The following ERBB4 variants were observed in gnomAD, a reference collection of about 807,000 sequenced individuals.
The protein encoded by ERBB4 is erb-b2 receptor tyrosine kinase 4, also known as receptor tyrosine-protein kinase erbB-4.
In ERBB4, 42 loss-of-function variants were observed where a neutral mutation model predicts 158.0. The ratio of observed to expected loss-of-function variants is 0.27; its 90% CI spans 0.21 to 0.34. ERBB4 has a LOEUF of 0.34. ERBB4 is among the 10% of genes least tolerant of loss of function. The probability of loss-of-function intolerance (pLI) is 1.00; values close to 1 mark genes in which losing one functional copy is unlikely to be tolerated. For missense variants in ERBB4, 1,333 were observed against 1,624.1 expected (o/e 0.82, Z 3.08); for synonymous variants, 583 against 558.7 (o/e 1.04, Z -0.61).
intron 19 of ERBB4, among the ~76,000 whole-genome samples, chr2:211,585,077 G>A (rs1455244917): frequency 2.0e-5 from 3 of 152,164 alleles, no homozygotes; most frequent in African/African-American, 7.2e-5. Context: ...GGCTGGCCGG[G>A]CGCAGTGGCT....
chr2:212,378,699 GA>G (rs1320125951), intron 1 of ERBB4, among the ~76,000 whole-genome samples: 1 of 151,528 alleles, frequency 6.6e-6, no homozygotes, highest in Non-Finnish European at 1.5e-5. Flanking sequence ...ATATTTCTCT[GA>G]AGTTTGGTCA....
At chr2:211,853,634 G>C (rs1318067722) in intron 3 of ERBB4, among the ~76,000 whole-genome samples, 1 of 152,016 alleles carries the variant, frequency 6.6e-6, no homozygotes, top group Non-Finnish European at 1.5e-5. Flanking sequence ...ATTAGTTATT[G>C]ACTGCTAAGC....
intron 19 of ERBB4, among the ~76,000 whole-genome samples, chr2:211,591,065 G>C (rs540669721): frequency 6.6e-6 from 1 of 152,266 alleles, no homozygotes; most frequent in East Asian, 1.9e-4. Context: ...CACATTGTTA[G>C]CACCAAAATG....
intron 1 of ERBB4, among the ~76,000 whole-genome samples, chr2:212,237,073 A>G (rs2083907748): frequency 6.6e-6 from 1 of 152,078 alleles, no homozygotes; most frequent in Admixed American, 6.6e-5. Context: ...TGTTGATTTT[A>G]GAAATCTTTC....
intron 4 of ERBB4, among the ~76,000 whole-genome samples, chr2:211,765,450 T>C (rs2075528167): frequency 6.6e-6 from 1 of 152,216 alleles, no homozygotes; most frequent in Non-Finnish European, 1.5e-5. Context: ...ACTCTTAATG[T>C]AATTTACTAT....
chr2:211,674,604 C>T (rs1342852302), intron 13 of ERBB4, among the ~76,000 whole-genome samples: 2 of 152,026 alleles, frequency 1.3e-5, no homozygotes, highest in Non-Finnish European at 2.9e-5. Flanking sequence ...TTTAAAATCA[C>T]AATTACATAA....
chr2:211,428,146 A>C (rs906178782), intron 22 of ERBB4, among the ~76,000 whole-genome samples: 2 of 152,014 alleles, frequency 1.3e-5, no homozygotes, highest in Non-Finnish European at 2.9e-5. Flanking sequence ...TAGGTACAGC[A>C]AACCACCATG....
chr2:211,455,599 C>T (rs1327045783), intron 20 of ERBB4, among the ~76,000 whole-genome samples: 20 of 152,142 alleles, frequency 1.3e-4, no homozygotes. Context: ...AAAATGATTA[C>T]TTAAGAATCA....
intron 1 of ERBB4, among the ~76,000 whole-genome samples, chr2:212,338,039 CTT>C (rs1271165487): frequency 6.6e-6 from 1 of 152,082 alleles, no homozygotes; most frequent in Non-Finnish European, 1.5e-5. Context: ...CCAGGGCAGA[CTT>C]TATGTCATAC....
intron 1 of ERBB4, among the ~76,000 whole-genome samples, chr2:212,204,798 A>G (rs1344210016): frequency 6.7e-6 from 1 of 148,752 alleles, no homozygotes; most frequent in Admixed American, 6.8e-5. Context: ...CTCCCAAAAG[A>G]TATTATTTAT....
rs1461536753 is a variant in ERBB4 at position 211,580,881 on chromosome 2, A to C, written c.2302-18793T>G. Among the ~76,000 whole-genome samples the C allele has an allele frequency of 2.1e-3, 6 of 2,802 alleles. 2 individuals are homozygous for C. The highest frequency in any genetic ancestry group is 6.5e-3 in the African/African-American group (6 of 924). The allele number at this position is 2,802 out of a possible 152,430, so 1.8% of individuals were successfully genotyped here. The stretch of plus-strand genomic sequence containing the variant: ...TATGCATATACATATATATATATAT[A>C]TATATATATATATATATATATATAT... On this transcript the variant is annotated intron_variant, in intron 19 of 27. Transcript: ENST00000342788.
chr2:211,740,622 CTTTTTTTTT>C (rs1169540948), intron 5 of ERBB4, among the ~76,000 whole-genome samples: 2 of 90,174 alleles, frequency 2.2e-5, no homozygotes, highest in African/African-American at 9.5e-5. Context: ...TTTTCTTTGT[CTTTTTTTTT>C]TTTTTTTTTT....
chr2:212,437,849 C>T (rs571307801), intron 1 of ERBB4, among the ~76,000 whole-genome samples: 1 of 152,120 alleles, frequency 6.6e-6, no homozygotes, highest in South Asian at 2.1e-4. Flanking sequence ...TCCTTTTCAT[C>T]TATCTTATTT....
intron 3 of ERBB4, among the ~76,000 whole-genome samples, chr2:211,910,156 A>G (rs1324614378): frequency 6.6e-6 from 1 of 151,392 alleles, no homozygotes; most frequent in Non-Finnish European, 1.5e-5. Flanking sequence ...ACCTCTGGTG[A>G]TCCACCCACC....
At chr2:211,695,646 T>C (rs1039743173) in intron 12 of ERBB4, among the ~76,000 whole-genome samples, 1 of 152,180 alleles carries the variant, frequency 6.6e-6, no homozygotes, top group Admixed American at 6.5e-5. Context: ...GTTAATAACA[T>C]AATAACTAAT....
intron 20 of ERBB4, among the ~76,000 whole-genome samples, chr2:211,549,928 C>A (rs2067037825): frequency 6.6e-6 from 1 of 152,048 alleles, no homozygotes; most frequent in Non-Finnish European, 1.5e-5. Flanking sequence ...TAGAAAGAAC[C>A]CTGTCGGGAC....
intron 16 of ERBB4, among the ~76,000 whole-genome samples, chr2:211,631,305 T>C (rs1226768471): frequency 6.6e-6 from 1 of 152,156 alleles, no homozygotes; most frequent in Non-Finnish European, 1.5e-5. Flanking sequence ...AGAGTTATTA[T>C]TGCCCAAAGT....
chr2:211,708,637 TCTC>T (rs768328155), intron 9 of ERBB4, among the ~76,000 whole-genome samples: 23,077 of 151,196 alleles, frequency 0.15, 2,031 homozygotes, highest in Non-Finnish European at 0.21. Context: ...TCTCTCTCTC[TCTC>T]TCTCACTATC....
intron 2 of ERBB4, among the ~76,000 whole-genome samples, chr2:211,997,140 G>A (rs1453691188): frequency 3.0e-5 from 2 of 65,844 alleles, no homozygotes; most frequent in Non-Finnish European, 5.8e-5. Flanking sequence ...TTTAAACCCC[G>A]TTTGCCGGAT....
Sources: allele counts gnomAD v4.1 joint callset (sites outside exome capture counted in the v4.1 genomes callset), GRCh38; gene constraint gnomAD v4.1.1; transcripts MANE v1.5; gene names NCBI Gene and HGNC (gene_info 2026-07-23, HGNC 2026-07-21).